SYNPR: variants seen among roughly 807,000 people sequenced by gnomAD.
SYNPR encodes the protein synaptoporin.
In SYNPR, 23 loss-of-function variants were observed where a neutral mutation model predicts 32.9. The observed-to-expected ratio is 0.70, with a 90% CI of 0.50 to 0.99. The LOEUF is 0.99. Ranked by LOEUF, SYNPR falls within the 50% of genes least tolerant of loss-of-function variation. SYNPR has a pLI of 0.00. For synonymous variants in SYNPR, 146 were observed against 135.9 expected (o/e 1.07, Z -0.52); for missense variants, 318 against 349.3 (o/e 0.91, Z 0.71).
At chr3:63,291,490 T>G (rs367976714) in intron 2 of SYNPR, among the ~76,000 whole-genome samples, 24 of 152,300 alleles carry the variant, frequency 1.6e-4, no homozygotes, top group African/African-American at 5.8e-4. Flanking sequence ...ATGGGCTACC[T>G]TTAATGTCCA....
chr3:63,266,462 G>A (rs2086485875), intron 2 of SYNPR, among the ~76,000 whole-genome samples: 1 of 151,886 alleles, frequency 6.6e-6, no homozygotes, highest in Admixed American at 6.6e-5. Context: ...CAGCAATTTG[G>A]GAGGCCAAGG....
In SYNPR at chr3:63,363,598, A is replaced by G. The variant is rs116146660; in HGVS notation, c.84+84856A>G. Among the ~76,000 whole-genome samples the G allele has an allele frequency of 8.9e-3, 1,356 of 152,326 alleles. 15 individuals are homozygous for G. Among genetic ancestry groups the G allele is most frequent in the Non-Finnish European group, 0.015 (1,004 of 68,028 alleles). On this transcript the variant is annotated intron_variant, in intron 2 of 5. Transcript: ENST00000478300. The stretch of plus-strand genomic sequence containing the variant: ...GACTCTGTGTGATCTTAGGCAAGTC[A>G]CTAAACATCTCTGATCCTCGTTTTC...
At chr3:63,495,738 T>C (rs1701361597) in intron 3 of SYNPR, among the ~76,000 whole-genome samples, 1 of 152,112 alleles carries the variant, frequency 6.6e-6, no homozygotes, top group East Asian at 1.9e-4. Flanking sequence ...AAAATCCTTT[T>C]AGCAAAACTA....
At chr3:63,513,162 C>T (rs548795997) in intron 3 of SYNPR, among the ~76,000 whole-genome samples, 23 of 145,102 alleles carry the variant, frequency 1.6e-4, no homozygotes, top group Non-Finnish European at 2.4e-4. Flanking sequence ...CCCTCCCCCC[C>T]ACCCCCACAC....
chr3:63,407,433 A>G (rs1343664136), intron 2 of SYNPR, among the ~76,000 whole-genome samples: 1 of 152,200 alleles, frequency 6.6e-6, no homozygotes, highest in Admixed American at 6.5e-5. Context: ...TCCAGATTCA[A>G]ATCATCCTAG....
chr3:63,598,421 C>T (rs1282076893), intron 4 of SYNPR, among the ~76,000 whole-genome samples: 1 of 152,148 alleles, frequency 6.6e-6, no homozygotes, highest in Admixed American at 6.5e-5. Context: ...TGGAAACAAA[C>T]CACCCAGCCA....
In SYNPR at chr3:63,265,112, A is replaced by G. The variant is rs371849873; in HGVS notation, n.155-2205A>G. On this transcript the variant is annotated intron_variant and non_coding_transcript_variant, in intron 2 of 4. Coordinates refer to the SYNPR transcript ENST00000478456. ...TTAAAATTCTGTAGCGTGCAGGCAC[A>G]TTACTGGCTTTTGATTGAACACATT... Among the ~76,000 whole-genome samples, 7 of 152,322 alleles carry G rather than the reference A, an allele frequency of 4.6e-5. No homozygotes were observed. The East Asian group carries it at 7.7e-4, about 17-fold the overall frequency.
At chr3:63,387,902 T>C (rs7637410) in intron 2 of SYNPR, among the ~76,000 whole-genome samples, 61,018 of 151,976 alleles carry the variant, frequency 0.4, 12,794 homozygotes, top group Middle Eastern at 0.53. Flanking sequence ...AGTTAGAGAC[T>C]AGACTGAAGA....
intron 3 of SYNPR, among the ~76,000 whole-genome samples, chr3:63,270,803 A>G (rs758213348): frequency 3.3e-5 from 5 of 152,178 alleles, no homozygotes; most frequent in Non-Finnish European, 5.9e-5. Flanking sequence ...GTGAGTTACA[A>G]TGAGACTGTT....
upstream of SYNPR, among the ~76,000 whole-genome samples, chr3:63,226,590 C>A (rs1260281959): frequency 1.3e-5 from 2 of 152,028 alleles, no homozygotes; most frequent in Non-Finnish European, 1.5e-5. Flanking sequence ...TTAAGTGAGA[C>A]AAGCTGGGTA....
intron 2 of SYNPR, among the ~76,000 whole-genome samples, chr3:63,316,718 C>T (rs2106961830): frequency 6.6e-6 from 1 of 150,944 alleles, no homozygotes; most frequent in Admixed American, 6.6e-5. Flanking sequence ...GTATTTTTTG[C>T]TTTCACTTTC....
At chr3:63,408,992 A>T (rs1292015623) in intron 2 of SYNPR, among the ~76,000 whole-genome samples, 7 of 151,964 alleles carry the variant, frequency 4.6e-5, no homozygotes, top group African/African-American at 1.7e-4. Flanking sequence ...TAAGATCTTA[A>T]GTTCTTCTAC....
intron 4 of SYNPR, among the ~76,000 whole-genome samples, chr3:63,602,305 C>T (rs1362289323): frequency 7.2e-6 from 1 of 139,124 alleles, no homozygotes; most frequent in African/African-American, 2.8e-5. Context: ...TTTCTGTTTA[C>T]TCTGTTGATA....
intron 3 of SYNPR, among the ~76,000 whole-genome samples, chr3:63,270,251 G>A (rs945572096): frequency 3.9e-5 from 6 of 152,172 alleles, no homozygotes; most frequent in African/African-American, 9.7e-5. Context: ...TGGACCACCA[G>A]ACATGACTTT....
intron 2 of SYNPR, among the ~76,000 whole-genome samples, chr3:63,396,236 T>C (rs2088210800): frequency 6.6e-6 from 1 of 152,204 alleles, no homozygotes; most frequent in Non-Finnish European, 1.5e-5. Context: ...TTCAAATCAG[T>C]GATTCATCCA....
In SYNPR at chr3:63,615,485, A is replaced by G. The variant is rs369207337; in HGVS notation, c.*4A>G. ...TTCCTTTACCAATCAGATTTAACAG[A>G]GTAGCATTTGCATTCTTCTGCAGTC... is the stretch of plus-strand genomic sequence containing the variant. On this transcript the variant is annotated 3_prime_UTR_variant, in exon 6 of 6. Transcript: ENST00000478300. The G allele has an allele frequency of 6.2e-6, 10 of 1,609,658 alleles. No individual in the cohort carries two copies. The highest frequency in any genetic ancestry group is 8.5e-6 in the Non-Finnish European group (10 of 1,177,132).
the SYNPR span, among the ~76,000 whole-genome samples, chr3:63,209,150 C>A: frequency 2.0e-5 from 3 of 152,050 alleles, no homozygotes; most frequent in Non-Finnish European, 2.9e-5. Flanking sequence ...AACCCCGTCT[C>A]TACTAAAAAT....
At chr3:63,273,088 G>C (rs1193647307) in intron 3 of SYNPR, among the ~76,000 whole-genome samples, 1 of 152,092 alleles carries the variant, frequency 6.6e-6, no homozygotes, top group Non-Finnish European at 1.5e-5. Flanking sequence ...TTTTCTAATT[G>C]TGTTCTAGTA....
chr3:63,396,083 C>T (rs563707709), intron 2 of SYNPR, among the ~76,000 whole-genome samples: 1 of 152,282 alleles, frequency 6.6e-6, no homozygotes, highest in South Asian at 2.1e-4. Context: ...CTTGACCAGA[C>T]AGAAAACAGC....
Sources: allele counts gnomAD v4.1 joint callset (sites outside exome capture counted in the v4.1 genomes callset), GRCh38; gene constraint gnomAD v4.1.1; transcripts MANE v1.5; gene names NCBI Gene and HGNC (gene_info 2026-07-23, HGNC 2026-07-21).